ZBTB34: variants seen among roughly 807,000 people sequenced by gnomAD.
ZBTB34 encodes zinc finger and BTB domain containing 34.
A neutral mutation model predicts 33.4 loss-of-function variants in ZBTB34; 1 was observed. The observed-to-expected ratio is 0.03, with a 90% confidence interval of 0.01 to 0.14. ZBTB34 has a LOEUF of 0.14. Among genes scored for constraint, ZBTB34 ranks in the 10% least tolerant of loss-of-function variants. The probability of loss-of-function intolerance (pLI) is 1.00; values close to 1 mark genes in which losing one functional copy is unlikely to be tolerated. For synonymous variants in ZBTB34, 283 were observed against 253.5 expected (o/e 1.12, Z -1.11); for missense variants, 406 against 657.2 (o/e 0.62, Z 4.18).
chr9:126,864,780 C>G (rs1352404879), intron 1 of ZBTB34, among the ~76,000 whole-genome samples: 4 of 152,186 alleles, frequency 2.6e-5, no homozygotes, highest in Admixed American at 6.5e-5. Context: ...TTAATCTAGA[C>G]CCAGGCAGAA....
intron 1 of ZBTB34, among the ~76,000 whole-genome samples, chr9:126,872,047 G>A (rs186642651): frequency 1.6e-4 from 25 of 151,658 alleles, no homozygotes; most frequent in African/African-American, 3.6e-4. Flanking sequence ...TCCGCCTCCC[G>A]GGTTCAAGCG....
intron 1 of ZBTB34, among the ~76,000 whole-genome samples, chr9:126,876,269 G>A (rs1233909952): frequency 1.3e-5 from 1 of 77,690 alleles, no homozygotes; most frequent in Non-Finnish European, 2.6e-5. Context: ...AACATATGCA[G>A]TGTTTCCTTT....
chr9:126,871,752 A>G (rs1176623122), intron 1 of ZBTB34, among the ~76,000 whole-genome samples: 4 of 152,026 alleles, frequency 2.6e-5, no homozygotes, highest in African/African-American at 9.7e-5. Flanking sequence ...GGCTGGGGGA[A>G]AGTTTTATTA....
chr9:126,880,948 T>A lies in ZBTB34; in HGVS notation c.*34T>A. The stretch of plus-strand genomic sequence containing the variant: ...AGAAGTGCACCCAAACAAAGCACAT[T>A]AATCAATGCATATTTGTGATTTGCT... On this transcript the variant is annotated 3_prime_UTR_variant, in exon 2 of 2. Coordinates refer to ENST00000319119, the Ensembl canonical transcript of ZBTB34. The surrounding 1 kb of genome is among the most constrained non-coding windows in gnomAD (Gnocchi z 6.7). 1 of 1,559,530 alleles carries A rather than the reference T, an allele frequency of 6.4e-7. No individual in the cohort carries two copies. Among genetic ancestry groups the A allele is most frequent in the Non-Finnish European group, 8.7e-7 (1 of 1,148,618 alleles).
chr9:126,865,059 C>T (rs147083305), intron 1 of ZBTB34, among the ~76,000 whole-genome samples: 2 of 152,304 alleles, frequency 1.3e-5, no homozygotes, highest in East Asian at 3.9e-4. Context: ...TAAACAACTT[C>T]CAAATTTGTA....
At chr9:126,868,568 TCGCC>T (rs1473606622) in intron 1 of ZBTB34, among the ~76,000 whole-genome samples, 1 of 152,210 alleles carries the variant, frequency 6.6e-6, no homozygotes, top group Non-Finnish European at 1.5e-5. Context: ...CCAAAGCTGC[TCGCC>T]TTCAGCTGTG....
rs1448649549 is a variant in ZBTB34 at position 126,876,151 on chromosome 9, TTCCCTTCCGTCCTTCCC to T, written c.-10-3238_-10-3222del. Among the ~76,000 whole-genome samples the T allele has an allele frequency of 5.9e-5, 6 of 102,370 alleles. No homozygotes were observed. The East Asian group carries it at 1.3e-3, about 23-fold the overall frequency. 67.2% of individuals were successfully genotyped at this position (102,370 alleles called of 152,430 possible). A position where few individuals can be genotyped will look rare whatever the true frequency, so the allele number is the denominator to read the frequency against. On this transcript the variant is annotated intron_variant, in intron 1 of 1. Coordinates refer to ENST00000319119, the Ensembl canonical transcript of ZBTB34. The stretch of plus-strand genomic sequence containing the variant: ...GACATCATGTTTCCTTTTTTTTTTT[TTCCCTTCCGTCCTTCCC>T]CCCTTCCCCCCTTTCCCCCTTCCCT...
intron 1 of ZBTB34, among the ~76,000 whole-genome samples, chr9:126,876,413 A>G (rs2033364818): frequency 6.6e-6 from 1 of 150,924 alleles, no homozygotes; most frequent in African/African-American, 2.4e-5. Flanking sequence ...CATTTTTGAC[A>G]TAGTATTGAT....
intron 1 of ZBTB34, among the ~76,000 whole-genome samples, chr9:126,872,009 A>G (rs932779232): frequency 1.2e-4 from 18 of 151,624 alleles, no homozygotes; most frequent in African/African-American, 4.4e-4. Context: ...GCTGGAGTAC[A>G]ATGGCACGAT....
rs748083844 is a variant in ZBTB34 at position 126,880,764 on chromosome 9, C to T, written c.1365C>T (p.His455=). ...TCAACCAGCACTTGCGGAAAAACCA[C>T]CCAGGCGTTGCTGAAGTCAGGAGTC... The change falls in exon 2 of 2, where the codon CAC becomes CAT. Residue 455 remains histidine, a synonymous_variant. Coordinates refer to ENST00000319119, the Ensembl canonical transcript of ZBTB34. This position sits in a 1 kb window ranked among gnomAD's most constrained non-coding sequence, Gnocchi z 6.7. 6.2e-7 allele frequency: 1 copy of T among 1,613,786 alleles called. No homozygotes were observed.
chr9:126,871,903 GCCAAGAATTCGAGA>G (rs986245580), intron 1 of ZBTB34, among the ~76,000 whole-genome samples: 4 of 151,932 alleles, frequency 2.6e-5, no homozygotes, highest in African/African-American at 4.8e-5. Context: ...ATCCCTTGAG[GCCAAGAATTCGAGA>G]CCAGCCTGGG....
chr9:126,860,823 C>T (rs1298194393), intron 1 of ZBTB34, 84 bp downstream of exon 1: 9 of 146,358 alleles, frequency 6.1e-5, no homozygotes, highest in Admixed American at 2.0e-4. Flanking sequence ...GGGCAGTCCC[C>T]GGGCCGCTGT....
At position 126,880,360 on chromosome 9, in the gene ZBTB34, G is replaced by A. The variant is rs745697520; in HGVS notation, c.961G>A (p.Gly321Arg). Residue 321 changes from glycine to arginine, a missense_variant, in exon 2 of 2, where the codon GGA (glycine) becomes AGA (arginine). Gly to Arg is a moderately radical substitution (Grantham distance 125, BLOSUM62 -2). Transcript: ENST00000319119. The surrounding 1 kb of genome is among the most constrained non-coding windows in gnomAD (Gnocchi z 6.7). Reference sequence around the variant, plus strand: ...CAGGTCCATGCTGAGCTGTTTCCGAGGAGGGCGTGCCCGCCAGAAGCGGGC... The same window carrying A: ...CAGGTCCATGCTGAGCTGTTTCCGAAGAGGGCGTGCCCGCCAGAAGCGGGC... 15 of 1,613,790 alleles carry A rather than the reference G, an allele frequency of 9.3e-6. No individual in the cohort carries two copies. Among genetic ancestry groups the A allele is most frequent in the Non-Finnish European group, 1.7e-6 (2 of 1,179,896 alleles).
chr9:126,862,828 A>G (rs1186455149), intron 1 of ZBTB34, among the ~76,000 whole-genome samples: 2 of 151,824 alleles, frequency 1.3e-5, no homozygotes, highest in Non-Finnish European at 2.9e-5. Context: ...ATAGTATCTA[A>G]TACTGGGGCT....
chr9:126,867,910 G>C (rs1297281014), intron 1 of ZBTB34, among the ~76,000 whole-genome samples: 1 of 152,066 alleles, frequency 6.6e-6, no homozygotes, highest in Non-Finnish European at 1.5e-5. Context: ...AAATTCAAAG[G>C]AGCTGTGTTT....
In ZBTB34 at chr9:126,880,108, G is replaced by A. The variant is rs766210258; in HGVS notation, c.709G>A (p.Glu237Lys). The A allele has an allele frequency of 8.1e-6, 13 of 1,613,606 alleles. No homozygotes were observed. The highest frequency in any genetic ancestry group is 1.6e-4 in the Middle Eastern group (1 of 6,084). The change falls in exon 2 of 2, where the codon GAG becomes AAG. Residue 237 changes from glutamate to lysine, a missense_variant. Physicochemically the swap from Glu to Lys is moderately conservative, Grantham distance 56 (BLOSUM62 1). Coordinates refer to ENST00000319119, the Ensembl canonical transcript of ZBTB34. The surrounding 1 kb of genome is among the most constrained non-coding windows in gnomAD (Gnocchi z 6.7). ...ATTGGTGAGGGAGAGCCAGATCACC[G>A]AGGTGAAAGTGAAGATGGAGAAGTC... is the stretch of plus-strand genomic sequence containing the variant.
At chr9:126,862,736 GGCTGTT>G in intron 1 of ZBTB34, among the ~76,000 whole-genome samples, 1 of 152,200 alleles carries the variant, frequency 6.6e-6, no homozygotes, top group East Asian at 1.9e-4. Flanking sequence ...CTTGTTCCTT[GGCTGTT>G]GAACTTGTTC....
At chr9:126,872,766 A>G (rs920791541) in intron 1 of ZBTB34, among the ~76,000 whole-genome samples, 1 of 152,144 alleles carries the variant, frequency 6.6e-6, no homozygotes, top group Non-Finnish European at 1.5e-5. Flanking sequence ...GTGGCTTGTT[A>G]GCAGCTCTAG....
chr9:126,862,448 C>T (rs2033154327), intron 1 of ZBTB34, among the ~76,000 whole-genome samples: 1 of 152,182 alleles, frequency 6.6e-6, no homozygotes, highest in African/African-American at 2.4e-5. Context: ...AGCCACCGCC[C>T]ACCCTGTCTT....
Sources: allele counts gnomAD v4.1 joint callset (sites outside exome capture counted in the v4.1 genomes callset), GRCh38; gene constraint gnomAD v4.1.1; non-coding constraint Gnocchi (gnomAD v3.1); transcripts MANE v1.5; gene names NCBI Gene and HGNC (gene_info 2026-07-23, HGNC 2026-07-21).